DNAJC24: variants seen among roughly 807,000 people sequenced by gnomAD.
DNAJC24 encodes the protein DnaJ heat shock protein family (Hsp40) member C24.
A neutral mutation model predicts 18.0 loss-of-function variants in DNAJC24; 17 were observed. The observed-to-expected ratio is 0.94, with a 90% CI of 0.65 to 1.42. DNAJC24 has a LOEUF of 1.42. Ranked by LOEUF, DNAJC24 falls within the 40% of genes most tolerant of loss-of-function variation. The pLI is 0.00. For synonymous variants in DNAJC24, 55 were observed against 57.7 expected (o/e 0.95, Z 0.21); for missense variants, 158 against 175.6 (o/e 0.90, Z 0.57).
At chr11:31,422,188 T>G (rs926654181) in intron 3 of DNAJC24, 2 of 209,468 alleles carry the variant, frequency 9.5e-6, no homozygotes, top group Non-Finnish European at 2.0e-5. Context: ...CCTCTCTTTA[T>G]AATGTACTGA....
chr11:31,424,427 CTGAG>C (rs1346365555), intron 3 of DNAJC24, among the ~76,000 whole-genome samples: 1 of 152,136 alleles, frequency 6.6e-6, no homozygotes, highest in Non-Finnish European at 1.5e-5. Flanking sequence ...CCTGGTCCTT[CTGAG>C]TAAGAAATTA....
chr11:31,385,134 A>G (rs1952415550), intron 2 of DNAJC24: 1 of 152,196 alleles, frequency 6.6e-6, no homozygotes, highest in African/African-American at 2.4e-5. Context: ...ATTATTCTAG[A>G]TTCTTCATAT....
rs141061308 is a variant in DNAJC24, at chr11:31,406,199, T to C, written c.112-8612T>C. Among the ~76,000 whole-genome samples, 312 of 152,330 alleles carry C rather than the reference T, an allele frequency of 2.0e-3. 4 individuals carry two copies. Among genetic ancestry groups the C allele is most frequent in the African/African-American group, 7.1e-3 (295 of 41,570 alleles). ...TTGAAAAGTATTTGAAGGGAGATCA[T>C]TGGGCTGAAGCATTTTCATATCATT... On this transcript the variant is annotated intron_variant, in intron 2 of 4. Transcript: ENST00000465995.
chr11:31,415,110 T>C lies in DNAJC24; in HGVS notation c.250+161T>C, dbSNP rs1952741560. The stretch of plus-strand genomic sequence containing the variant: ...TTTAATTATGCCCTATTCTTAGCAG[T>C]GACTATTGTGTATCCATTGAGAAGT... On this transcript the variant is annotated intron_variant, in intron 3 of 4. Transcript: ENST00000465995. The C allele has an allele frequency of 4.1e-6, 3 of 724,338 alleles. No homozygotes were observed. The South Asian group carries it at 6.8e-5, about 16-fold the overall frequency. 44.9% of individuals were successfully genotyped at this position (724,338 alleles called of 1,614,324 possible).
intron 2 of DNAJC24, among the ~76,000 whole-genome samples, chr11:31,390,446 G>C (rs751467652): frequency 6.7e-6 from 1 of 148,424 alleles, no homozygotes; most frequent in African/African-American, 2.5e-5. Context: ...GGTGGCTCAT[G>C]CCTGTAATCC....
intron 2 of DNAJC24, among the ~76,000 whole-genome samples, chr11:31,388,428 GTGGAA>G (rs1044459336): frequency 2.0e-5 from 3 of 152,152 alleles, no homozygotes; most frequent in African/African-American, 7.2e-5. Flanking sequence ...AGCCTTCCCA[GTGGAA>G]ACCTTACAGG....
chr11:31,411,070 A>G (rs1441359351), intron 2 of DNAJC24, among the ~76,000 whole-genome samples: 1 of 152,204 alleles, frequency 6.6e-6, no homozygotes, highest in African/African-American at 2.4e-5. Context: ...CAAGAAAAAA[A>G]ATAAGACTTG....
At chr11:31,421,859 C>T (rs1952807000) in intron 3 of DNAJC24, 1 of 271,866 alleles carries the variant, frequency 3.7e-6, no homozygotes, top group Non-Finnish European at 7.4e-6. Context: ...GTGAATGACC[C>T]AGCGAGAGCT....
intron 2 of DNAJC24, among the ~76,000 whole-genome samples, chr11:31,386,180 A>T (rs1046269842): frequency 2.6e-5 from 4 of 152,050 alleles, no homozygotes; most frequent in Admixed American, 2.0e-4. Context: ...CTAGGCCACA[A>T]GGGTTGTAAT....
intron 3 of DNAJC24, among the ~76,000 whole-genome samples, chr11:31,423,204 A>C (rs1382856273): frequency 1.3e-5 from 2 of 152,224 alleles, no homozygotes; most frequent in Non-Finnish European, 2.9e-5. Context: ...CTAAGTGTGT[A>C]GCTTGATGGA....
intron 2 of DNAJC24, among the ~76,000 whole-genome samples, chr11:31,389,746 A>C (rs1015233657): frequency 1.3e-5 from 2 of 152,270 alleles, no homozygotes; most frequent in African/African-American, 4.8e-5. Context: ...TCTCCAAGAC[A>C]GACAATATGT....
At chr11:31,409,701 A>C (rs1461952286) in intron 2 of DNAJC24, among the ~76,000 whole-genome samples, 1 of 152,102 alleles carries the variant, frequency 6.6e-6, no homozygotes, top group African/African-American at 2.4e-5. Flanking sequence ...TATGAATAAG[A>C]CTGTTAATCT....
chr11:31,415,466 G>C (rs1313466558), intron 3 of DNAJC24: 1 of 152,154 alleles, frequency 6.6e-6, no homozygotes, highest in Non-Finnish European at 1.5e-5. Flanking sequence ...CATTACCTAA[G>C]CAATTTTAAA....
intron 2 of DNAJC24, among the ~76,000 whole-genome samples, chr11:31,381,702 A>G (rs1190899926): frequency 6.6e-6 from 1 of 151,338 alleles, no homozygotes; most frequent in Non-Finnish European, 1.5e-5. Context: ...AGCTAACCCC[A>G]GTAGCTGAGA....
chr11:31,405,929 T>A (rs1029962878), intron 2 of DNAJC24, among the ~76,000 whole-genome samples: 2 of 152,120 alleles, frequency 1.3e-5, no homozygotes, highest in African/African-American at 4.8e-5. Context: ...AAATTAGCCT[T>A]TTATAAGGAA....
intron 2 of DNAJC24, among the ~76,000 whole-genome samples, chr11:31,390,726 A>C (rs1372358802): frequency 7.0e-6 from 1 of 142,114 alleles, no homozygotes; most frequent in Non-Finnish European, 1.5e-5. Context: ...AAAAAAAAAA[A>C]GTAATCTCCC....
chr11:31,416,830 C>A (rs917710361), intron 3 of DNAJC24: 1 of 152,116 alleles, frequency 6.6e-6, no homozygotes, highest in Non-Finnish European at 1.5e-5. Flanking sequence ...GACAAATAAT[C>A]ATCATATTCA....
intron 2 of DNAJC24, among the ~76,000 whole-genome samples, chr11:31,392,015 T>G (rs917929817): frequency 2.0e-5 from 3 of 152,194 alleles, no homozygotes; most frequent in African/African-American, 7.2e-5. Context: ...AAACTTTACA[T>G]GTTTTTACTT....
chr11:31,396,504 G>A, intron 2 of DNAJC24: 1 of 214,548 alleles, frequency 4.7e-6, no homozygotes, highest in Non-Finnish European at 9.7e-6. Context: ...AGCTTTATCT[G>A]CTGCATGAGT....
Sources: gnomAD v4.1 joint callset for allele counts (sites outside exome capture counted in the v4.1 genomes callset) on GRCh38, gnomAD v4.1.1 for gene constraint, MANE v1.5 for transcripts, NCBI Gene and HGNC (gene_info 2026-07-23, HGNC 2026-07-21) for gene names.